The following CDK19 variants were observed in gnomAD, a reference collection of about 807,000 sequenced individuals.
CDK19 encodes the protein cyclin dependent kinase 19, also known as cyclin-dependent kinase 19.
CDK19 carries 20 observed loss-of-function variants against 68.3 expected under a neutral mutation model. The observed-to-expected ratio is 0.29, with a 90% CI of 0.21 to 0.43. The LOEUF (loss-of-function observed/expected upper bound fraction) is 0.43. Ranked by LOEUF, CDK19 falls within the 20% of genes least tolerant of loss-of-function variation. CDK19 has a pLI of 1.00. For synonymous variants in CDK19, 221 were observed against 222.8 expected (o/e 0.99, Z 0.07); for missense variants, 339 against 623.5 (o/e 0.54, Z 4.86).
At chr6:110,638,603 G>A (rs762790561) in intron 5 of CDK19, 46 bp downstream of exon 5, 7 of 946,574 alleles carry the variant, frequency 7.4e-6, no homozygotes, top group South Asian at 1.4e-5. Flanking sequence ...CATCTTTGCA[G>A]TTAACTTCAG....
At chr6:110,733,024 C>T (rs183065360) in intron 2 of CDK19, among the ~76,000 whole-genome samples, 189 of 152,182 alleles carry the variant, frequency 1.2e-3, no homozygotes, top group African/African-American at 4.3e-3. Flanking sequence ...GCTGAGATGG[C>T]GCCACTGCAC....
rs372813244 is a variant in CDK19 at position 110,784,094 on chromosome 6, G to A, written c.128+30915C>T. 1.8e-4 allele frequency among the ~76,000 whole-genome samples: 27 copies of A among 148,870 alleles called. No individual in the cohort carries two copies. The South Asian group carries it at 5.5e-3, about 31-fold the overall frequency. On this transcript the variant is annotated intron_variant, in intron 1 of 12. Transcript: ENST00000368911. ...GAATTGCTTGAGCTGGGGAGGCAGA[G>A]GCTGCAGCGAACCAAGATCACACCA...
At chr6:110,690,526 G>T (rs2114575933) in intron 2 of CDK19, among the ~76,000 whole-genome samples, 1 of 152,220 alleles carries the variant, frequency 6.6e-6, no homozygotes, top group African/African-American at 2.4e-5. Context: ...GAGCACAATG[G>T]GTTTCTACCC....
rs565729859 is a variant in CDK19, at chr6:110,641,040, T to G, written c.457-2334A>C. Among the ~76,000 whole-genome samples the G allele has an allele frequency of 2.6e-5, 4 of 152,154 alleles. No individual in the cohort carries two copies. The South Asian group carries it at 8.3e-4, about 32-fold the overall frequency. ...GCCAGAGGAGTGAGAAGAGGAAGAT[T>G]TGGATTTGAAAGTTATTATCACCAG... On this transcript the variant is annotated intron_variant, in intron 4 of 12. Transcript: ENST00000368911.
intron 4 of CDK19, among the ~76,000 whole-genome samples, chr6:110,662,918 T>G (rs1781704776): frequency 6.6e-6 from 1 of 152,216 alleles, no homozygotes; most frequent in Admixed American, 6.5e-5. Context: ...TTTTGGTGAC[T>G]TTATTTACAT....
intron 1 of CDK19, among the ~76,000 whole-genome samples, chr6:110,776,344 G>A (rs1157109910): frequency 4.6e-5 from 7 of 152,006 alleles, no homozygotes; most frequent in East Asian, 1.9e-4. Flanking sequence ...CAGGAGAATC[G>A]CTTGAACCTG....
Position 110,614,528 on chromosome 6 carries a change from G to A in CDK19, c.*7C>T, listed in dbSNP as rs539810221. ...GGGCTGGGCTGGCCTGGCCCAACGG[G>A]AGCTGGTCAGTACCGGTGGGCCTGG... is the stretch of plus-strand genomic sequence containing the variant. On this transcript the variant is annotated 3_prime_UTR_variant, in exon 13 of 13. Coordinates refer to ENST00000368911, the MANE Select transcript of CDK19 (RefSeq NM_015076.5). The A allele has an allele frequency of 6.2e-7, 1 of 1,613,632 alleles. No individual in the cohort carries two copies. The highest frequency in any genetic ancestry group is 2.2e-5 in the East Asian group (1 of 44,880).
intron 1 of CDK19, among the ~76,000 whole-genome samples, chr6:110,805,973 CAAAAA>C (rs34834440): frequency 1.0e-5 from 1 of 95,418 alleles, no homozygotes; most frequent in African/African-American, 3.8e-5. Flanking sequence ...TAACACTTCT[CAAAAA>C]AAAAAAAAAA....
chr6:110,660,131 C>T (rs1781529217), intron 4 of CDK19, among the ~76,000 whole-genome samples: 1 of 152,234 alleles, frequency 6.6e-6, no homozygotes, highest in East Asian at 1.9e-4. Context: ...CACAGCTAGC[C>T]CCAAATATCA....
At chr6:110,755,973 A>T (rs1208264099) in intron 1 of CDK19, among the ~76,000 whole-genome samples, 1 of 152,086 alleles carries the variant, frequency 6.6e-6, no homozygotes, top group Non-Finnish European at 1.5e-5. Context: ...ATATATATCT[A>T]TTATGGCCAG....
chr6:110,756,683 G>A (rs557610424), intron 1 of CDK19, among the ~76,000 whole-genome samples: 13 of 151,270 alleles, frequency 8.6e-5, no homozygotes, highest in African/African-American at 2.2e-4. Flanking sequence ...GTATATTTAC[G>A]TGTGTGTGTG....
At chr6:110,764,740 C>T (rs1426420908) in intron 1 of CDK19, among the ~76,000 whole-genome samples, 7 of 151,986 alleles carry the variant, frequency 4.6e-5, no homozygotes, top group African/African-American at 9.7e-5. Context: ...CACCTGAGGT[C>T]GGAAGTTCAA....
At position 110,796,951 on chromosome 6, in the gene CDK19, A is replaced by C. The variant is rs956157447; in HGVS notation, c.128+18058T>G. Among the ~76,000 whole-genome samples the C allele has an allele frequency of 8.6e-5, 13 of 151,440 alleles. 1 individual carries two copies. Among genetic ancestry groups the C allele is most frequent in the Non-Finnish European group, 1.9e-4 (13 of 67,910 alleles). ...CTTGAACCCAGGAGGCAGAGGTTGC[A>C]GTGAGCCAAGATTGTGCCACTGCAC... On this transcript the variant is annotated intron_variant, in intron 1 of 12. Transcript: ENST00000368911.
At chr6:110,747,624 T>C (rs1007893300) in intron 1 of CDK19, among the ~76,000 whole-genome samples, 8 of 152,220 alleles carry the variant, frequency 5.3e-5, no homozygotes, top group Non-Finnish European at 1.2e-4. Context: ...CAACTAACTT[T>C]AGTGCTAATA....
At chr6:110,814,889 G>A in intron 1 of CDK19, 120 bp downstream of exon 1, 2 of 1,370,104 alleles carry the variant, frequency 1.5e-6, no homozygotes, top group African/African-American at 1.5e-5. Context: ...ACGCAACCCC[G>A]CGACCCCCTC....
At chr6:110,800,891 A>G (rs1296633199) in intron 1 of CDK19, among the ~76,000 whole-genome samples, 1 of 152,170 alleles carries the variant, frequency 6.6e-6, no homozygotes, top group East Asian at 1.9e-4. Context: ...AACTGAAACA[A>G]GACAAGGATG....
At chr6:110,696,249 T>C (rs903768746) in intron 2 of CDK19, among the ~76,000 whole-genome samples, 6 of 152,258 alleles carry the variant, frequency 3.9e-5, no homozygotes, top group East Asian at 3.9e-4. Flanking sequence ...ACAAAAATGA[T>C]ATGATCATGT....
At chr6:110,642,233 G>A (rs1360707018) in intron 4 of CDK19, among the ~76,000 whole-genome samples, 4 of 151,580 alleles carry the variant, frequency 2.6e-5, no homozygotes, top group Admixed American at 6.6e-5. Context: ...CCCGGAAAGC[G>A]GGAAAGCGGA....
intron 1 of CDK19, among the ~76,000 whole-genome samples, chr6:110,746,998 C>T (rs569399033): frequency 6.6e-6 from 1 of 152,326 alleles, no homozygotes; most frequent in African/African-American, 2.4e-5. Context: ...GAACCAGCCA[C>T]ACAAAGGTCT....
Sources: allele counts gnomAD v4.1 joint callset (sites outside exome capture counted in the v4.1 genomes callset), GRCh38; gene constraint gnomAD v4.1.1; transcripts MANE v1.5; gene names NCBI Gene and HGNC (gene_info 2026-07-23, HGNC 2026-07-21).